Variants in CLEC19A observed in about 807,000 individuals in gnomAD.
The protein encoded by CLEC19A is C-type lectin domain containing 19A.
A neutral mutation model predicts 26.1 loss-of-function variants in CLEC19A; 21 were observed. The ratio of observed to expected loss-of-function variants is 0.80; its 90% CI spans 0.57 to 1.16. The LOEUF (loss-of-function observed/expected upper bound fraction) is 1.16, where lower values mean the gene tolerates loss of function less well. Ranked by LOEUF, CLEC19A falls within the 50% of genes most tolerant of loss-of-function variation. The pLI, the probability that CLEC19A is intolerant of heterozygous loss-of-function variation, is 0.00. For missense variants in CLEC19A, 224 were observed against 227.6 expected (o/e 0.98, Z 0.10); for synonymous variants, 89 against 88.6 (o/e 1.00, Z -0.03).
Position 19,309,065 on chromosome 16 carries a change from A to G in CLEC19A, c.543A>G (p.Pro181=), listed in dbSNP as rs1419303699. 8 of 1,548,160 alleles carry G rather than the reference A, an allele frequency of 5.2e-6. No homozygotes were observed. Among genetic ancestry groups the G allele is most frequent in the Non-Finnish European group, 7.0e-6 (8 of 1,146,710 alleles). Residue 181 remains proline (P), a synonymous_variant, in exon 5 of 5, where the codon CCA becomes CCG. Transcript: ENST00000636231. ...AGTTCCCCTTTGTCTGCAAAATCCCATCTCTGACCATTCATTGATCCTGTC... is the reference window on the plus strand; with the variant it reads ...AGTTCCCCTTTGTCTGCAAAATCCCGTCTCTGACCATTCATTGATCCTGTC... ...SRKFPFVCKI[P]SLTIH is the part of the protein sequence containing the mutation.
chr16:19,301,357 T>C (rs1448100720), intron 2 of CLEC19A, among the ~76,000 whole-genome samples: 2 of 152,154 alleles, frequency 1.3e-5, no homozygotes, highest in East Asian at 1.9e-4. Flanking sequence ...TCTTGAAAGA[T>C]TGGGAAGCGT....
chr16:19,291,518 A>G (rs1897583566), intron 1 of CLEC19A, among the ~76,000 whole-genome samples: 1 of 152,060 alleles, frequency 6.6e-6, no homozygotes, highest in Admixed American at 6.5e-5. Context: ...GATTGAGTGT[A>G]TTTTTCTGTA....
intron 2 of CLEC19A, 147 bp downstream of exon 2, chr16:19,298,985 C>T: frequency 3.3e-6 from 3 of 902,504 alleles, no homozygotes; most frequent in Middle Eastern, 6.9e-4. Flanking sequence ...GTTGCCCAGG[C>T]CACTCTTGAA....
intron 3 of CLEC19A, among the ~76,000 whole-genome samples, chr16:19,305,546 G>T (rs1035362194): frequency 6.6e-6 from 1 of 152,104 alleles, no homozygotes; most frequent in African/African-American, 2.4e-5. Context: ...CTTGCTCAGG[G>T]CACTATAGGG....
At chr16:19,291,770 T>A (rs1471946393) in intron 1 of CLEC19A, among the ~76,000 whole-genome samples, 2 of 152,100 alleles carry the variant, frequency 1.3e-5, no homozygotes, top group Admixed American at 1.3e-4. Flanking sequence ...TTAATGATCG[T>A]TTTGGTGCAA....
At chr16:19,297,126 A>G (rs1274675039) in intron 1 of CLEC19A, among the ~76,000 whole-genome samples, 1 of 152,248 alleles carries the variant, frequency 6.6e-6, no homozygotes, top group African/African-American at 2.4e-5. Context: ...AGAGGGGCTG[A>G]GACTTGAGAG....
chr16:19,302,903 C>T (rs1204117882), intron 2 of CLEC19A, among the ~76,000 whole-genome samples: 1 of 152,222 alleles, frequency 6.6e-6, no homozygotes, highest in African/African-American at 2.4e-5. Context: ...TCTCCACATA[C>T]CTCCCTCCTT....
intron 2 of CLEC19A, among the ~76,000 whole-genome samples, chr16:19,301,926 G>A (rs952052780): frequency 2.6e-5 from 4 of 151,756 alleles, no homozygotes; most frequent in African/African-American, 9.7e-5. Flanking sequence ...GGCATTAAAA[G>A]TGATCATGCC....
At chr16:19,297,384 G>A (rs1897726777) in intron 1 of CLEC19A, among the ~76,000 whole-genome samples, 1 of 152,162 alleles carries the variant, frequency 6.6e-6, no homozygotes, top group Admixed American at 6.5e-5. Context: ...GCTCTGGCAA[G>A]GGCAAAGTGA....
chr16:19,301,377 G>C (rs1214218012), intron 2 of CLEC19A, among the ~76,000 whole-genome samples: 1 of 152,152 alleles, frequency 6.6e-6, no homozygotes, highest in Non-Finnish European at 1.5e-5. Flanking sequence ...TAGGGAATGA[G>C]GGCAGCAGAT....
Position 19,287,159 on chromosome 16 carries a change from A to G in CLEC19A, c.88+1220A>G, listed in dbSNP as rs557907877. Among the ~76,000 whole-genome samples, 8 of 152,164 alleles carry G rather than the reference A, an allele frequency of 5.3e-5. No homozygotes were observed. The East Asian group carries it at 1.5e-3, about 29-fold the overall frequency. ...CATCAGCTCAGGCTGCGAATATCAC[A>G]GACTGGGGAGCTTAAGCAACAAACA... On this transcript the variant is annotated intron_variant, in intron 1 of 4. Transcript: ENST00000636231.
intron 3 of CLEC19A, chr16:19,304,821 C>T (rs1157598308): frequency 6.5e-6 from 1 of 152,738 alleles, no homozygotes; most frequent in Non-Finnish European, 1.5e-5. Flanking sequence ...CCAGACAACA[C>T]CAAGGGTCTA....
intron 1 of CLEC19A, among the ~76,000 whole-genome samples, chr16:19,288,455 G>GCA (rs1343722985): frequency 6.6e-6 from 1 of 151,956 alleles, no homozygotes; most frequent in East Asian, 1.9e-4. Flanking sequence ...GCATAACAGG[G>GCA]CACAGGTCAT....
At chr16:19,304,220 A>T (rs1897901035) in intron 3 of CLEC19A, 65 bp downstream of exon 3, 1 of 1,389,090 alleles carries the variant, frequency 7.2e-7, no homozygotes, top group African/African-American at 1.4e-5. Flanking sequence ...TTGATTTAAT[A>T]AGCTTTTCAC....
At chr16:19,293,211 G>T (rs1897627068) in intron 1 of CLEC19A, among the ~76,000 whole-genome samples, 1 of 152,184 alleles carries the variant, frequency 6.6e-6, no homozygotes, top group Non-Finnish European at 1.5e-5. Flanking sequence ...AATTTTATCT[G>T]ATCCCAGCCA....
intron 2 of CLEC19A, among the ~76,000 whole-genome samples, chr16:19,301,343 AG>A (rs139740190): frequency 0.019 from 2,920 of 152,330 alleles, 34 homozygotes; most frequent in Non-Finnish European, 0.029. Context: ...GTCCTGGATC[AG>A]GATCTTGAAA....
chr16:19,290,493 T>C (rs1897561306), intron 1 of CLEC19A, among the ~76,000 whole-genome samples: 1 of 152,204 alleles, frequency 6.6e-6, no homozygotes, highest in Admixed American at 6.5e-5. Flanking sequence ...CGGAACACTC[T>C]TTCTCTAACT....
intron 1 of CLEC19A, among the ~76,000 whole-genome samples, chr16:19,289,930 C>T (rs1406798916): frequency 6.6e-6 from 1 of 152,156 alleles, no homozygotes; most frequent in Non-Finnish European, 1.5e-5. Context: ...TTCCAGCCCG[C>T]TGGGAGTGTC....
intron 2 of CLEC19A, among the ~76,000 whole-genome samples, chr16:19,302,612 T>C (rs953796258): frequency 6.6e-6 from 1 of 152,250 alleles, no homozygotes; most frequent in African/African-American, 2.4e-5. Context: ...TTTAGTGCCA[T>C]GTGGAAGCCA....
Sources: gnomAD v4.1 joint callset for allele counts (sites outside exome capture counted in the v4.1 genomes callset) on GRCh38, gnomAD v4.1.1 for gene constraint, MANE v1.5 for transcripts, NCBI Gene and HGNC (gene_info 2026-07-23, HGNC 2026-07-21) for gene names.